The following GDPD5 variants were observed in gnomAD, a reference collection of about 807,000 sequenced individuals.
GDPD5 encodes glycerophosphodiester phosphodiesterase 2.
A neutral mutation model predicts 75.1 loss-of-function variants in GDPD5; 48 were observed. The observed-to-expected ratio is 0.64, with a 90% CI of 0.51 to 0.81. The LOEUF is 0.81. GDPD5 is among the 40% of genes least tolerant of loss of function. The pLI is 0.00. For missense variants in GDPD5, 706 were observed against 822.6 expected (o/e 0.86, Z 1.73); for synonymous variants, 336 against 339.0 (o/e 0.99, Z 0.10).
At position 75,441,220 on chromosome 11, in the gene GDPD5, G is replaced by A. The variant is rs748745770; in HGVS notation, c.1416C>T (p.Ser472=). 35 of 1,613,936 alleles carry A rather than the reference G, an allele frequency of 2.2e-5. No individual in the cohort carries two copies. Among genetic ancestry groups the A allele is most frequent in the Admixed American group, 5.0e-5 (3 of 60,012 alleles). The change falls in exon 14 of 17, where the codon TCC becomes TCT. Residue 472 remains serine (S), a synonymous_variant. Transcript: ENST00000336898. ...FSLLWCAGVP[S]VTSDNSHALS... The stretch of plus-strand genomic sequence containing the variant: ...GGGCGTGGGAGTTGTCAGAGGTGAC[G>A]GATGGGACCCCCGCACACCACAGCA...
intron 2 of GDPD5, among the ~76,000 whole-genome samples, chr11:75,480,943 C>G (rs1207405198): frequency 6.6e-6 from 1 of 152,192 alleles, no homozygotes; most frequent in African/African-American, 2.4e-5. Context: ...TTAACTGTAA[C>G]TGCAGTGTTG....
chr11:75,495,091 C>A (rs1350966862), intron 1 of GDPD5, among the ~76,000 whole-genome samples: 1 of 151,952 alleles, frequency 6.6e-6, no homozygotes, highest in Non-Finnish European at 1.5e-5. Flanking sequence ...CATGATGAAA[C>A]CCCGTCTCTA....
At position 75,512,428 on chromosome 11, in the gene GDPD5, T is replaced by C. The variant is rs142453894; in HGVS notation, c.-145+12782A>G. On this transcript the variant is annotated intron_variant, in intron 1 of 16. Transcript: ENST00000336898. ...GAGCCAGAAACCAGAGTTGAACACA[T>C]GCAGCAGCCCAGGGTCATCTGGCAC... 3.8e-4 allele frequency among the ~76,000 whole-genome samples: 57 copies of C among 151,952 alleles called. No homozygotes were observed. The East Asian group carries it at 8.9e-3, about 24-fold the overall frequency.
intron 2 of GDPD5, among the ~76,000 whole-genome samples, chr11:75,484,461 C>T (rs1949981855): frequency 2.0e-5 from 3 of 152,136 alleles, no homozygotes; most frequent in Non-Finnish European, 2.9e-5. Flanking sequence ...TAGTTCCTTC[C>T]AAGGAACTCT....
intron 1 of GDPD5, among the ~76,000 whole-genome samples, chr11:75,523,172 G>A (rs910987471): frequency 6.6e-6 from 1 of 152,190 alleles, no homozygotes; most frequent in Non-Finnish European, 1.5e-5. Context: ...GCAACAACCT[G>A]CTAAAGGAGG....
chr11:75,477,461 A>G (rs1461670359), intron 3 of GDPD5, among the ~76,000 whole-genome samples, 158 bp downstream of exon 3: 1 of 152,222 alleles, frequency 6.6e-6, no homozygotes, highest in African/African-American at 2.4e-5. Context: ...TTCAGGAATT[A>G]CTATAAGCCC....
At chr11:75,441,890 A>C (rs1948823902) in intron 12 of GDPD5, 87 bp from the exon 13 acceptor site, 3 of 1,345,492 alleles carry the variant, frequency 2.2e-6, no homozygotes, top group African/African-American at 1.5e-5. Flanking sequence ...TGTGGGGTTA[A>C]GAGACAGGAC....
chr11:75,484,144 C>T (rs562485305), intron 2 of GDPD5, among the ~76,000 whole-genome samples: 3 of 152,150 alleles, frequency 2.0e-5, no homozygotes, highest in East Asian at 1.9e-4. Context: ...GCTGAGATGG[C>T]GCCACTGCAC....
intron 13 of GDPD5, 72 bp downstream of exon 13, chr11:75,441,574 G>T (rs1255209244): frequency 7.4e-7 from 1 of 1,357,832 alleles, no homozygotes; most frequent in South Asian, 1.4e-5. Flanking sequence ...GTGTGTTGGG[G>T]GGTGGTGGTG....
intron 3 of GDPD5, among the ~76,000 whole-genome samples, chr11:75,473,046 C>T (rs1262451225): frequency 6.6e-6 from 1 of 151,800 alleles, no homozygotes; most frequent in Non-Finnish European, 1.5e-5. Flanking sequence ...GGAGCAAAGG[C>T]CCAGTGCTGT....
intron 2 of GDPD5, among the ~76,000 whole-genome samples, chr11:75,488,585 C>T (rs1950055988): frequency 6.6e-6 from 1 of 152,124 alleles, no homozygotes; most frequent in Non-Finnish European, 1.5e-5. Flanking sequence ...CCAGCTTTCC[C>T]ACCTCCATGC....
intron 1 of GDPD5, among the ~76,000 whole-genome samples, chr11:75,524,474 G>GC (rs1941588589): frequency 6.6e-6 from 1 of 152,218 alleles, no homozygotes; most frequent in Non-Finnish European, 1.5e-5. Context: ...CGGACAACTG[G>GC]CACTCCCTTC....
At chr11:75,474,464 C>G (rs115916204) in intron 3 of GDPD5, among the ~76,000 whole-genome samples, 357 of 152,340 alleles carry the variant, frequency 2.3e-3, no homozygotes, top group African/African-American at 8.2e-3. Flanking sequence ...ATAAAAAGCT[C>G]TACTTCCCCT....
intron 2 of GDPD5, among the ~76,000 whole-genome samples, chr11:75,481,260 A>G (rs1949911573): frequency 6.6e-6 from 1 of 152,198 alleles, no homozygotes; most frequent in Non-Finnish European, 1.5e-5. Flanking sequence ...AGGCCCACTC[A>G]CTACTTCTAC....
chr11:75,446,708 AC>A (rs1948995102), intron 9 of GDPD5, among the ~76,000 whole-genome samples: 1 of 152,166 alleles, frequency 6.6e-6, no homozygotes, highest in Non-Finnish European at 1.5e-5. Flanking sequence ...AGACATGTGG[AC>A]CCAGAGTCAG....
At chr11:75,463,505 G>A (rs920157393) in intron 3 of GDPD5, among the ~76,000 whole-genome samples, 2 of 152,152 alleles carry the variant, frequency 1.3e-5, no homozygotes, top group African/African-American at 2.4e-5. Flanking sequence ...CAGCTCAGGC[G>A]TCTGCAGGCA....
rs777367424 is a variant in GDPD5 at position 75,435,608 on chromosome 11, C to G, written c.1717G>C (p.Asp573His). The change falls in exon 17 of 17, where the codon GAC (aspartate) becomes CAC (histidine). Residue 573 changes from aspartate (D) to histidine (H), a missense_variant. Transcript: ENST00000336898. ...EVSDVLSVCS[D>H]NSYDTYANST... ...TTGGCATATGTGTCATAACTGTTGTCTGAACATACGGAGAGCACATCGGAG... is the reference window on the plus strand; with the variant it reads ...TTGGCATATGTGTCATAACTGTTGTGTGAACATACGGAGAGCACATCGGAG... 6.2e-7 allele frequency: 1 copy of G among 1,613,596 alleles called. No homozygotes were observed. The highest frequency in any genetic ancestry group is 8.5e-7 in the Non-Finnish European group (1 of 1,179,808).
At chr11:75,508,565 CAG>C (rs1491376254) in intron 1 of GDPD5, among the ~76,000 whole-genome samples, 1 of 152,218 alleles carries the variant, frequency 6.6e-6, no homozygotes. Flanking sequence ...CTTTTTAAGA[CAG>C]GGGGAGAGTT....
At chr11:75,489,423 C>T (rs964723324) in intron 2 of GDPD5, among the ~76,000 whole-genome samples, 4 of 152,202 alleles carry the variant, frequency 2.6e-5, no homozygotes, top group Admixed American at 6.5e-5. Context: ...CTTCAAATGT[C>T]GAGGTTTCAC....
Sources: gnomAD v4.1 joint callset for allele counts (sites outside exome capture counted in the v4.1 genomes callset) on GRCh38, gnomAD v4.1.1 for gene constraint, MANE v1.5 for transcripts, NCBI Gene and HGNC (gene_info 2026-07-23, HGNC 2026-07-21) for gene names.